Variants in TMEM229B observed in about 807,000 individuals in gnomAD.
TMEM229B encodes the protein chromosome 14 open reading frame 83.
A neutral mutation model predicts 13.7 loss-of-function variants in TMEM229B; 6 were observed. The ratio of observed to expected loss-of-function variants is 0.44; its 90% CI spans 0.24 to 0.86. TMEM229B has a LOEUF of 0.86. Among genes scored for constraint, TMEM229B ranks in the 40% least tolerant of loss-of-function variants. The probability of loss-of-function intolerance (pLI) is 0.23; values close to 1 mark genes in which losing one functional copy is unlikely to be tolerated. For missense variants in TMEM229B, 170 were observed against 236.0 expected (o/e 0.72, Z 1.83); for synonymous variants, 107 against 102.1 (o/e 1.05, Z -0.29).
At chr14:67,519,415 T>C (rs2033256032), upstream of TMEM229B, among the ~76,000 whole-genome samples, 1 of 152,256 alleles carries the variant, frequency 6.6e-6, no homozygotes, top group African/African-American at 2.4e-5. Flanking sequence ...GGGGCTGTCC[T>C]GCCAGAGCAA....
intron 2 of TMEM229B, 82 bp from the exon 3 acceptor site, chr14:67,474,023 C>T (rs1425570586): frequency 5.0e-6 from 7 of 1,405,222 alleles, no homozygotes; most frequent in Non-Finnish European, 6.6e-6. Flanking sequence ...GAGGCCGAGG[C>T]GGCGGATCAC....
chr14:67,513,070 T>C (rs910878172), intron 1 of TMEM229B, among the ~76,000 whole-genome samples: 2 of 152,198 alleles, frequency 1.3e-5, no homozygotes, highest in Non-Finnish European at 2.9e-5. Context: ...TTAAATCACT[T>C]TATAAATGTA....
At position 67,471,782 on chromosome 14, in the gene TMEM229B, T is replaced by TA. The variant is rs2030743645; in HGVS notation, c.*1637dup. On this transcript the variant is annotated 3_prime_UTR_variant, in exon 3 of 3. Coordinates refer to ENST00000554480, the MANE Select transcript of TMEM229B (RefSeq NM_001348543.2). ...CTGCACCCCACCACACCCTGCACAG[T>TA]ATGGGCAGGGCAGCCAGCAGGGAAG... The TA allele has an allele frequency of 6.6e-6, 1 of 152,202 alleles. No individual in the cohort carries two copies. Among genetic ancestry groups the TA allele is most frequent in the Admixed American group, 6.6e-5 (1 of 15,262 alleles). The allele number at this position is 152,202 out of a possible 1,614,324, so 9.4% of individuals were successfully genotyped here. A position where few individuals can be genotyped will look rare whatever the true frequency, so the allele number is the denominator to read the frequency against.
At chr14:67,482,806 C>T (rs954757731) in intron 2 of TMEM229B, among the ~76,000 whole-genome samples, 14 of 152,146 alleles carry the variant, frequency 9.2e-5, no homozygotes, top group African/African-American at 3.1e-4. Context: ...GACTTCCACC[C>T]TCTTGCTGTG....
chr14:67,493,150 C>G (rs990497779), upstream of TMEM229B, among the ~76,000 whole-genome samples: 8 of 152,196 alleles, frequency 5.3e-5, no homozygotes, highest in African/African-American at 1.9e-4. Context: ...GTTTGAGAAA[C>G]AGCAAGGCCA....
intron 1 of TMEM229B, among the ~76,000 whole-genome samples, chr14:67,506,301 C>T (rs778052564): frequency 6.6e-6 from 1 of 152,076 alleles, no homozygotes; most frequent in Non-Finnish European, 1.5e-5. Context: ...CTATGAATAA[C>T]CAGAAAAGTT....
rs1409405887 is a variant in TMEM229B at position 67,473,274 on chromosome 14, G to A, written c.*146C>T. On this transcript the variant is annotated 3_prime_UTR_variant, in exon 3 of 3. Transcript: ENST00000554480. The surrounding 1 kb of genome is among the most constrained non-coding windows in gnomAD (Gnocchi z 6.5). ...ACGGCCCCCCAACACCGGCCCCCGC[G>A]GACGTTAGGGGGCTCTGTGTGCCCT... The A allele has an allele frequency of 8.9e-7, 1 of 1,127,810 alleles. No individual in the cohort carries two copies. The allele number at this position is 1,127,810 out of a possible 1,614,324, so 69.9% of individuals were successfully genotyped here.
At chr14:67,483,704 C>T (rs773729935) in intron 2 of TMEM229B, among the ~76,000 whole-genome samples, 1 of 152,228 alleles carries the variant, frequency 6.6e-6, no homozygotes, top group Non-Finnish European at 1.5e-5. Context: ...CACCAGGACA[C>T]ACACAACCCA....
intron 1 of TMEM229B, among the ~76,000 whole-genome samples, chr14:67,496,649 T>TTC (rs554200954): frequency 6.7e-6 from 1 of 150,278 alleles, no homozygotes; most frequent in East Asian, 2.0e-4. Flanking sequence ...TTTTCTTTCT[T>TTC]TCTCTCTCTC....
intron 1 of TMEM229B, among the ~76,000 whole-genome samples, chr14:67,511,301 T>A (rs1594715095): frequency 6.6e-6 from 1 of 152,132 alleles, no homozygotes; most frequent in East Asian, 1.9e-4. Context: ...CATCTTTTCA[T>A]ATTTATTAGC....
At chr14:67,515,403 G>T in exon 1 of TMEM229B, 1 of 179,752 alleles carries the variant, frequency 5.6e-6, no homozygotes, top group South Asian at 1.5e-4. Context: ...GAGGAAAGGA[G>T]CCCCCGGCGG....
upstream of TMEM229B, among the ~76,000 whole-genome samples, chr14:67,517,339 G>T (rs191871992): frequency 3.9e-5 from 6 of 152,346 alleles, no homozygotes; most frequent in South Asian, 6.2e-4. Context: ...GGCTGGAAAG[G>T]CTTCGGAAGA....
At chr14:67,505,993 C>T (rs1370142373) in intron 1 of TMEM229B, among the ~76,000 whole-genome samples, 1 of 152,120 alleles carries the variant, frequency 6.6e-6, no homozygotes, top group Admixed American at 6.6e-5. Flanking sequence ...AGCCACCTCA[C>T]CTGGCTGATA....
intron 1 of TMEM229B, among the ~76,000 whole-genome samples, chr14:67,520,851 G>T (rs1189931787): frequency 6.6e-6 from 1 of 152,240 alleles, no homozygotes; most frequent in Non-Finnish European, 1.5e-5. Flanking sequence ...TTCCTGGATT[G>T]TGTGGTGAGA....
intron 1 of TMEM229B, among the ~76,000 whole-genome samples, chr14:67,502,624 G>A (rs950690784): frequency 2.6e-5 from 4 of 151,720 alleles, no homozygotes; most frequent in African/African-American, 9.7e-5. Context: ...GGCTAATTTT[G>A]TACTTTTAGT....
chr14:67,506,972 G>C (rs1250185099), intron 1 of TMEM229B, among the ~76,000 whole-genome samples: 1 of 151,772 alleles, frequency 6.6e-6, no homozygotes, highest in African/African-American at 2.4e-5. Context: ...GACAGGGCCA[G>C]ATTCCATCTA....
chr14:67,499,895 C>T (rs994222249), intron 1 of TMEM229B, among the ~76,000 whole-genome samples: 1 of 152,094 alleles, frequency 6.6e-6, no homozygotes, highest in African/African-American at 2.4e-5. Context: ...ATTCATCCTC[C>T]ACCATCTGAA....
upstream of TMEM229B, among the ~76,000 whole-genome samples, chr14:67,489,922 A>G (rs553295686): frequency 3.0e-4 from 45 of 152,096 alleles, no homozygotes; most frequent in African/African-American, 8.7e-4. Flanking sequence ...CCTGGGAGGC[A>G]GAGCTTGCAG....
upstream of TMEM229B, among the ~76,000 whole-genome samples, chr14:67,518,141 A>T (rs2033236107): frequency 6.6e-6 from 1 of 152,150 alleles, no homozygotes; most frequent in South Asian, 2.1e-4. Context: ...GCCTGGAACA[A>T]ACCACCCCTG....
Sources: allele counts gnomAD v4.1 joint callset (sites outside exome capture counted in the v4.1 genomes callset), GRCh38; gene constraint gnomAD v4.1.1; non-coding constraint Gnocchi (gnomAD v3.1); transcripts MANE v1.5; gene names NCBI Gene and HGNC (gene_info 2026-07-23, HGNC 2026-07-21).